The following ABCG1 variants were observed in gnomAD, a reference collection of about 807,000 sequenced individuals.
ABCG1 encodes ATP binding cassette subfamily G member 1.
A neutral mutation model predicts 69.2 loss-of-function variants in ABCG1; 29 were observed. That is an observed-to-expected ratio of 0.42 (90% CI 0.31 to 0.57). ABCG1 has a LOEUF of 0.57. Ranked by LOEUF, ABCG1 falls within the 20% of genes least tolerant of loss-of-function variation. ABCG1 has a pLI of 0.15. For missense variants in ABCG1, 718 were observed against 898.1 expected, an observed-to-expected ratio of 0.80 and a Z score of 2.56; for synonymous variants, 370 against 374.8, an observed-to-expected ratio of 0.99 and a Z score of 0.15.
rs56362761 is a variant in ABCG1, at chr21:42,256,277, G to A, written c.287-14793G>A. 0.018 allele frequency: 27,270 copies of A among 1,510,796 alleles called. 3,724 individuals carry two copies. The African/African-American group carries it at 0.32, about 18-fold the overall frequency. The allele number at this position is 1,510,796 out of a possible 1,614,324, so 93.6% of individuals were successfully genotyped here. ...AGAACACTTACCTGCCTGCCCTCCC[G>A]CCAGGAGGTGGTCTTCCAACTTTTG... On this transcript the variant is annotated intron_variant, in intron 2 of 14. Transcript: ENST00000398449.
At chr21:42,244,427 G>T (rs1293504200) in intron 2 of ABCG1, among the ~76,000 whole-genome samples, 1 of 152,204 alleles carries the variant, frequency 6.6e-6, no homozygotes. Context: ...CTCAGGACCA[G>T]ATTAGAAACA....
At chr21:42,259,445 G>A (rs988064661) in intron 2 of ABCG1, 51 of 1,549,364 alleles carry the variant, frequency 3.3e-5, no homozygotes, top group East Asian at 2.2e-4. Context: ...AAAGGGTGCC[G>A]ATGTCTGGCC....
At chr21:42,208,619 G>A (rs1359602136) in intron 2 of ABCG1, among the ~76,000 whole-genome samples, 1 of 152,200 alleles carries the variant, frequency 6.6e-6, no homozygotes, top group Non-Finnish European at 1.5e-5. Context: ...ACTTAGCCAG[G>A]TGCTAGGAGA....
At chr21:42,277,679 A>G (rs895842146) in intron 5 of ABCG1, among the ~76,000 whole-genome samples, 3 of 152,194 alleles carry the variant, frequency 2.0e-5, no homozygotes, top group African/African-American at 7.2e-5. Flanking sequence ...CCCTTCTATA[A>G]GATTATCTTT....
chr21:42,210,319 T>C (rs1160015212), intron 2 of ABCG1, among the ~76,000 whole-genome samples: 1 of 152,014 alleles, frequency 6.6e-6, no homozygotes, highest in Non-Finnish European at 1.5e-5. Context: ...GGGTGGGAGG[T>C]TCCTTGGAGG....
chr21:42,268,662 GT>G (rs1190667973), intron 2 of ABCG1, among the ~76,000 whole-genome samples: 6 of 152,196 alleles, frequency 3.9e-5, no homozygotes, highest in Non-Finnish European at 5.9e-5. Flanking sequence ...CCTGAATTGG[GT>G]TTTGTGTCCA....
At position 42,291,269 on chromosome 21, in the gene ABCG1, C is replaced by A; in HGVS notation, c.1494+77C>A. 1.5e-6 allele frequency: 2 copies of A among 1,305,604 alleles called. No homozygotes were observed. Among genetic ancestry groups the A allele is most frequent in the Non-Finnish European group, 2.2e-6 (2 of 917,684 alleles). 80.9% of individuals were successfully genotyped at this position (1,305,604 alleles called of 1,614,324 possible). A position where few individuals can be genotyped will look rare whatever the true frequency, so the allele number is the denominator to read the frequency against. The stretch of plus-strand genomic sequence containing the variant: ...CACCCTTTATATCGAGTAAGAGGAC[C>A]TGCCAGGGATGCAGGGTGACATGGC... On this transcript the variant is annotated intron_variant, in intron 12 of 14. Coordinates refer to ENST00000398449, the MANE Select transcript of ABCG1 (RefSeq NM_016818.3). This position sits in a 1 kb window ranked among gnomAD's most constrained non-coding sequence, Gnocchi z 6.4.
chr21:42,211,618 G>T (rs1353381840), upstream of ABCG1, among the ~76,000 whole-genome samples: 6 of 152,050 alleles, frequency 3.9e-5, no homozygotes, highest in Admixed American at 3.3e-4. Context: ...GGTGGCTCAT[G>T]CCTGTAATCC....
At chr21:42,231,016 C>T (rs901303308) in intron 2 of ABCG1, among the ~76,000 whole-genome samples, 6 of 152,224 alleles carry the variant, frequency 3.9e-5, no homozygotes, top group Admixed American at 3.3e-4. Context: ...CTGTGCCTAG[C>T]CCCGTGTTAT....
rs559350335 is a variant in ABCG1, at chr21:42,263,005, A to T, written c.287-8065A>T. ...GGCACATTTCTACAGAGTGAGGAAA[A>T]CTCTCCTAGCCCCGAGCGATGCTGC... On this transcript the variant is annotated intron_variant, in intron 2 of 14. Transcript: ENST00000398449. Among the ~76,000 whole-genome samples the T allele has an allele frequency of 2.6e-5, 4 of 151,282 alleles. No individual in the cohort carries two copies. The South Asian group carries it at 8.4e-4, about 32-fold the overall frequency.
chr21:42,260,660 T>A (rs984388396), intron 2 of ABCG1, among the ~76,000 whole-genome samples: 1 of 152,044 alleles, frequency 6.6e-6, no homozygotes, highest in Non-Finnish European at 1.5e-5. Flanking sequence ...AAGCAGCTCC[T>A]GCCAAGGAGC....
Position 42,286,009 on chromosome 21 carries a change from G to C in ABCG1, c.973+15G>C, listed in dbSNP as rs1343224497. 1 of 1,562,684 alleles carries C rather than the reference G, an allele frequency of 6.4e-7. No homozygotes were observed. Among genetic ancestry groups the C allele is most frequent in the African/African-American group, 1.4e-5 (1 of 73,802 alleles). ...AGCAGATTTTGGTAAGCGGAGTCCTGAGCAGCTCGGGGGACAGAAAGGGGA... is the reference window on the plus strand; with the variant it reads ...AGCAGATTTTGGTAAGCGGAGTCCTCAGCAGCTCGGGGGACAGAAAGGGGA... On this transcript the variant is annotated intron_variant, in intron 8 of 14. Coordinates refer to ENST00000398449, the MANE Select transcript of ABCG1 (RefSeq NM_016818.3).
chr21:42,251,216 C>T (rs1325255051), intron 2 of ABCG1, among the ~76,000 whole-genome samples: 1 of 152,128 alleles, frequency 6.6e-6, no homozygotes, highest in Non-Finnish European at 1.5e-5. Context: ...GCAAATTGAA[C>T]AAGTGCTTGG....
At chr21:42,264,637 G>A (rs1451425692) in intron 2 of ABCG1, among the ~76,000 whole-genome samples, 1 of 152,166 alleles carries the variant, frequency 6.6e-6, no homozygotes, top group African/African-American at 2.4e-5. Flanking sequence ...AGAGGATGCT[G>A]GCAAAGGAAA....
intron 2 of ABCG1, among the ~76,000 whole-genome samples, chr21:42,242,744 C>A (rs544585896): frequency 6.6e-6 from 1 of 152,168 alleles, no homozygotes; most frequent in Non-Finnish European, 1.5e-5. Context: ...GACCATGAAC[C>A]GGGGCAGTGA....
At position 42,291,340 on chromosome 21, in the gene ABCG1, T is replaced by A. The variant is rs1250151667; in HGVS notation, c.1494+148T>A. On this transcript the variant is annotated intron_variant, in intron 12 of 14. Transcript: ENST00000398449. The surrounding 1 kb of genome is among the most constrained non-coding windows in gnomAD (Gnocchi z 6.4). ...GGGAGCTGCGGGGAAGGGCCTGACT[T>A]CGGGAGCTGTGGCGGGAGCTGTGGG... 3 of 1,205,716 alleles carry A rather than the reference T, an allele frequency of 2.5e-6. No homozygotes were observed. The African/African-American group carries it at 4.5e-5, about 18-fold the overall frequency. The allele number at this position is 1,205,716 out of a possible 1,614,324, so 74.7% of individuals were successfully genotyped here. A position where few individuals can be genotyped will look rare whatever the true frequency, so the allele number is the denominator to read the frequency against.
In ABCG1 at chr21:42,287,310, T is replaced by C. The variant is rs2068960078; in HGVS notation, c.974-579T>C. 6.6e-6 allele frequency among the ~76,000 whole-genome samples: 1 copy of C among 151,890 alleles called. No individual in the cohort carries two copies. The highest frequency in any genetic ancestry group is 6.6e-5 in the Admixed American group (1 of 15,256). On this transcript the variant is annotated intron_variant, in intron 8 of 14. Coordinates refer to ENST00000398449, the MANE Select transcript of ABCG1 (RefSeq NM_016818.3). This position sits in a 1 kb window ranked among gnomAD's most constrained non-coding sequence, Gnocchi z 6.2. The stretch of plus-strand genomic sequence containing the variant: ...TGCAGGTGGAGTGGGGAGGTGACGA[T>C]TGGGATGCGAGAGGCAGGAGCAGCG...
intron 2 of ABCG1, among the ~76,000 whole-genome samples, chr21:42,257,451 G>A (rs958818670): frequency 3.3e-5 from 5 of 152,240 alleles, no homozygotes; most frequent in African/African-American, 7.2e-5. Context: ...TTAGCAGGAC[G>A]TACTTGGAGC....
At chr21:42,207,221 C>CT (rs1236695138) in intron 2 of ABCG1, among the ~76,000 whole-genome samples, 1 of 152,132 alleles carries the variant, frequency 6.6e-6, no homozygotes, top group Non-Finnish European at 1.5e-5. Flanking sequence ...TCTGTTAGAT[C>CT]TGTATATACA....
Sources: gnomAD v4.1 joint callset for allele counts (sites outside exome capture counted in the v4.1 genomes callset) on GRCh38, gnomAD v4.1.1 for gene constraint, Gnocchi (gnomAD v3.1) non-coding constraint, MANE v1.5 for transcripts, NCBI Gene and HGNC (gene_info 2026-07-23, HGNC 2026-07-21) for gene names.